KCNIP4: variants seen among roughly 807,000 people sequenced by gnomAD.
KCNIP4 encodes potassium voltage-gated channel interacting protein 4.
Under a neutral mutation model 34.0 loss-of-function variants are expected in KCNIP4, and 12 were observed. The ratio of observed to expected loss-of-function variants is 0.35; its 90% confidence interval spans 0.23 to 0.57. KCNIP4 has a LOEUF of 0.57. Among genes scored for constraint, KCNIP4 ranks in the 20% least tolerant of loss-of-function variants. The pLI, the probability that KCNIP4 is intolerant of heterozygous loss-of-function variation, is 0.83. For missense variants in KCNIP4, 238 were observed against 311.7 expected (o/e 0.76, Z 1.78); for synonymous variants, 124 against 102.2 (o/e 1.21, Z -1.29).
intron 1 of KCNIP4, among the ~76,000 whole-genome samples, chr4:21,889,644 C>G (rs1726977177): frequency 6.6e-6 from 1 of 152,052 alleles, no homozygotes; most frequent in Non-Finnish European, 1.5e-5. Context: ...ATACTAGAAA[C>G]AACTACCCTA....
chr4:20,825,096 T>A (rs925892097), intron 3 of KCNIP4, among the ~76,000 whole-genome samples: 5 of 152,142 alleles, frequency 3.3e-5, no homozygotes, highest in Admixed American at 6.6e-5. Context: ...TCCCAAAGGT[T>A]TGCCAGGATA....
chr4:21,252,563 G>A (rs1430433212), intron 1 of KCNIP4, among the ~76,000 whole-genome samples: 1 of 152,006 alleles, frequency 6.6e-6, no homozygotes, highest in Non-Finnish European at 1.5e-5. Context: ...GGCAGCACAC[G>A]AAGACCTGAT....
intron 1 of KCNIP4, among the ~76,000 whole-genome samples, chr4:21,321,182 T>A (rs1474954352): frequency 6.6e-6 from 1 of 152,164 alleles, no homozygotes; most frequent in Non-Finnish European, 1.5e-5. Flanking sequence ...TTATTTGTTA[T>A]GAAATGTTTG....
At chr4:21,053,379 A>G (rs893489504) in intron 1 of KCNIP4, among the ~76,000 whole-genome samples, 5 of 152,240 alleles carry the variant, frequency 3.3e-5, no homozygotes, top group African/African-American at 1.2e-4. Flanking sequence ...AGTTTGATAA[A>G]GAATGGCTAC....
chr4:20,951,768 T>A (rs1480660387), intron 1 of KCNIP4, among the ~76,000 whole-genome samples: 2 of 152,076 alleles, frequency 1.3e-5, no homozygotes, highest in Non-Finnish European at 2.9e-5. Flanking sequence ...AGCAAGAAAA[T>A]GAGGGAAGAA....
intron 1 of KCNIP4, among the ~76,000 whole-genome samples, chr4:21,864,850 G>A (rs1047391030): frequency 6.6e-6 from 1 of 152,180 alleles, no homozygotes; most frequent in African/African-American, 2.4e-5. Flanking sequence ...ATAAAAGAGA[G>A]AAAGAATGCT....
At chr4:20,973,019 G>A (rs1049214643) in intron 1 of KCNIP4, among the ~76,000 whole-genome samples, 14 of 152,160 alleles carry the variant, frequency 9.2e-5, no homozygotes, top group African/African-American at 3.4e-4. Context: ...TGAAGTCTAG[G>A]TTGGAATGGT....
At chr4:21,479,875 C>G (rs562587671) in intron 1 of KCNIP4, among the ~76,000 whole-genome samples, 1 of 151,236 alleles carries the variant, frequency 6.6e-6, no homozygotes, top group Non-Finnish European at 1.5e-5. Flanking sequence ...TTATCAATAA[C>G]AAAAATGAAT....
At chr4:21,060,795 A>G (rs909461461) in intron 1 of KCNIP4, among the ~76,000 whole-genome samples, 1 of 152,194 alleles carries the variant, frequency 6.6e-6, no homozygotes, top group Admixed American at 6.6e-5. Flanking sequence ...TGTTTGAAAG[A>G]AAACTTCTCA....
Position 21,727,714 on chromosome 4 carries a change from A to G in KCNIP4, c.61+220857T>C, listed in dbSNP as rs148936917. Among the ~76,000 whole-genome samples the G allele has an allele frequency of 7.2e-3, 1,096 of 152,224 alleles. 10 individuals are homozygous for G. The highest frequency in any genetic ancestry group is 0.01 in the Non-Finnish European group (685 of 68,026). ...TATAGTGGTGCTCACCTGTAATCCC[A>G]GCTACTCAGGAGGCTGAGACACAAG... On this transcript the variant is annotated intron_variant, in intron 1 of 8. Transcript: ENST00000382152.
chr4:21,306,073 G>C (rs1159344988), intron 1 of KCNIP4, among the ~76,000 whole-genome samples: 2 of 152,152 alleles, frequency 1.3e-5, no homozygotes, highest in Non-Finnish European at 2.9e-5. Flanking sequence ...TCAATGATTA[G>C]GTGATTACTA....
intron 1 of KCNIP4, among the ~76,000 whole-genome samples, chr4:21,711,871 G>A (rs1713755204): frequency 6.6e-6 from 1 of 152,140 alleles, no homozygotes; most frequent in Non-Finnish European, 1.5e-5. Context: ...ATCTTCACAG[G>A]AAACTTTTTA....
At chr4:21,120,517 A>C (rs1194560989) in intron 1 of KCNIP4, among the ~76,000 whole-genome samples, 1 of 152,166 alleles carries the variant, frequency 6.6e-6, no homozygotes, top group Non-Finnish European at 1.5e-5. Flanking sequence ...ATGGCTGGGG[A>C]AGCTTCAGGC....
intron 1 of KCNIP4, among the ~76,000 whole-genome samples, chr4:21,324,801 A>G (rs978169710): frequency 6.6e-6 from 1 of 151,336 alleles, no homozygotes; most frequent in Non-Finnish European, 1.5e-5. Context: ...GAAGACTGCC[A>G]TTGGTTATTT....
In KCNIP4 at chr4:20,883,508, T is replaced by C. The variant is rs1724946913; in HGVS notation, c.62-799A>G. On this transcript the variant is annotated intron_variant, in intron 1 of 8. Coordinates refer to ENST00000382152, the MANE Select transcript of KCNIP4 (RefSeq NM_025221.6). ...ACAACTTTTGATGTCAGGAGCCAAC[T>C]ATCCAAGTCAGCATCAATTTACCCA... 2.0e-5 allele frequency among the ~76,000 whole-genome samples: 3 copies of C among 152,174 alleles called. No individual in the cohort carries two copies. In the South Asian group the frequency reaches 6.2e-4, roughly 32 times the overall value.
chr4:20,729,950 T>TAAAACAAAGCTTGTTTGCA lies in KCNIP4; in HGVS notation c.*113_*131dup, dbSNP rs1463949307. On this transcript the variant is annotated 3_prime_UTR_variant, in exon 9 of 9. Coordinates refer to ENST00000382152, the MANE Select transcript of KCNIP4 (RefSeq NM_025221.6). ...AAATCTTTTGGGGATTGCTTTATATTAAAACAAAGCTTGTTTGCATAATAT... is the reference window on the plus strand; with the variant it reads ...AAATCTTTTGGGGATTGCTTTATATTAAAACAAAGCTTGTTTGCAAAAACAAAGCTTGTTTGCATAATAT... The TAAAACAAAGCTTGTTTGCA allele has an allele frequency of 1.4e-3, 1,572 of 1,102,354 alleles. 32 individuals are homozygous for TAAAACAAAGCTTGTTTGCA. The South Asian group carries it at 0.025, about 17-fold the overall frequency. 68.3% of individuals were successfully genotyped at this position (1,102,354 alleles called of 1,614,324 possible).
chr4:21,065,542 G>A (rs1323460061), intron 1 of KCNIP4, among the ~76,000 whole-genome samples: 1 of 151,540 alleles, frequency 6.6e-6, no homozygotes, highest in East Asian at 1.9e-4. Context: ...ATAATGTACT[G>A]CTAAAGGACA....
At chr4:21,233,665 T>C (rs1758962531) in intron 1 of KCNIP4, among the ~76,000 whole-genome samples, 1 of 151,656 alleles carries the variant, frequency 6.6e-6, no homozygotes, top group African/African-American at 2.4e-5. Context: ...GAAACATTTA[T>C]AGGACATTTT....
chr4:21,418,021 C>T (rs889526621), intron 1 of KCNIP4, among the ~76,000 whole-genome samples: 1 of 152,142 alleles, frequency 6.6e-6, no homozygotes, highest in Non-Finnish European at 1.5e-5. Flanking sequence ...CATGCAGAAA[C>T]TCAAATAGTA....
Sources: allele counts gnomAD v4.1 joint callset (sites outside exome capture counted in the v4.1 genomes callset), GRCh38; gene constraint gnomAD v4.1.1; transcripts MANE v1.5; gene names NCBI Gene and HGNC (gene_info 2026-07-23, HGNC 2026-07-21).